GUSB: variants seen among roughly 807,000 people sequenced by gnomAD.
The protein encoded by GUSB is beta-glucuronidase.
In GUSB, 51 loss-of-function variants were observed where a neutral mutation model predicts 74.6. The ratio of observed to expected loss-of-function variants is 0.68; its 90% confidence interval spans 0.55 to 0.86. GUSB has a LOEUF of 0.86. Ranked by LOEUF, GUSB falls within the 40% of genes least tolerant of loss-of-function variation. The pLI is 0.00. For missense variants in GUSB, 736 were observed against 853.7 expected (o/e 0.86, Z 1.72); for synonymous variants, 360 against 348.3 (o/e 1.03, Z -0.37).
At chr7:65,963,465 G>C (rs937108) in intron 11 of GUSB, among the ~76,000 whole-genome samples, 1 of 152,220 alleles carries the variant, frequency 6.6e-6, no homozygotes. Flanking sequence ...CATAAACTAA[G>C]AAGAAATGGG....
At chr7:65,963,663 A>G (rs118189608) in intron 11 of GUSB, among the ~76,000 whole-genome samples, 13,634 of 152,202 alleles carry the variant, frequency 0.09, 780 homozygotes, top group Non-Finnish European at 0.12. Context: ...CGCCTGCCTC[A>G]GCCTCCCAAG....
At position 65,967,785 on chromosome 7, in the gene GUSB, C is replaced by G; in HGVS notation, c.1599G>C (p.Gln533His). The G allele has an allele frequency of 6.2e-7, 1 of 1,613,440 alleles. No individual in the cohort carries two copies. The highest frequency in any genetic ancestry group is 8.5e-7 in the Non-Finnish European group (1 of 1,179,868). ...TQFENWYKKY[Q>H]KPIIQSEYGA... is the part of the protein sequence containing the mutation. ...CATACTCGCTCTGAATAATGGGCTT[C>G]TGATACTTCTTATACCAGTTCTCAA... The change falls in exon 10 of 12, where the codon CAG (glutamine) becomes CAC (histidine). Residue 533 changes from glutamine to histidine, a missense_variant. Around this residue, in one of 2 missense-constraint regions of GUSB, gnomAD observed 368 missense variants for 489.9 expected, o/e 0.75. Transcript: ENST00000304895.
At chr7:65,980,185 G>GCT in intron 2 of GUSB, 39 bp downstream of exon 2, 43 of 725,272 alleles carry the variant, frequency 5.9e-5, no homozygotes, top group South Asian at 2.3e-4. Context: ...CAGCAGCCGT[G>GCT]CCCCCCCACC....
chr7:65,960,926 G>A lies in GUSB; in HGVS notation c.1927C>T (p.Gln643Ter), dbSNP rs1790443878. ...GTAAACAGGCTGTTTTCCAAACATT[G>A]TGACTTGGCTACTGAGTGGGGATAC... ...TRYPHSVAKS[Q>*]CLENSLFT Residue 643 changes from glutamine to a stop codon, truncating the protein, a stop_gained, in exon 12 of 12, where the codon CAA becomes TAA. Coordinates refer to ENST00000304895, the MANE Select transcript of GUSB (RefSeq NM_000181.4). LOFTEE classifies it high-confidence loss of function. 2 of 1,614,018 alleles carry A rather than the reference G, an allele frequency of 1.2e-6. No homozygotes were observed. Among genetic ancestry groups the A allele is most frequent in the Non-Finnish European group, 1.7e-6 (2 of 1,179,936 alleles).
chr7:65,968,406 G>A (rs1409814154), intron 9 of GUSB, among the ~76,000 whole-genome samples: 3 of 151,984 alleles, frequency 2.0e-5, no homozygotes, highest in African/African-American at 4.8e-5. Flanking sequence ...GACGTGCGCC[G>A]CTGGGAAGGG....
intron 9 of GUSB, among the ~76,000 whole-genome samples, 191 bp from the exon 10 acceptor site, chr7:65,968,098 T>C (rs1424623101): frequency 6.6e-6 from 1 of 151,006 alleles, no homozygotes; most frequent in Non-Finnish European, 1.5e-5. Flanking sequence ...CAAAAAATAG[T>C]AGTAAGAAAA....
chr7:65,964,401 G>A lies in GUSB; in HGVS notation c.1711C>T (p.Leu571=), dbSNP rs1350578065. Residue 571 remains leucine, a synonymous_variant, in exon 11 of 12, where the codon CTG becomes TTG. Coordinates refer to ENST00000304895, the MANE Select transcript of GUSB (RefSeq NM_000181.4). ...YQKSLLEQYH[L]GLDQKRRKYV... ...TTTCTGCGTTTTTGATCCAGACCCA[G>A]ATGGTACTGCTCTAGCAGACTTTTC... The A allele has an allele frequency of 6.2e-7, 1 of 1,610,422 alleles. No homozygotes were observed. The highest frequency in any genetic ancestry group is 8.5e-7 in the Non-Finnish European group (1 of 1,178,472).
Position 65,974,579 on chromosome 7 carries a change from G to A in GUSB, c.1191C>T (p.Asp397=). ...CATCGATGACCACAATCCCATAGCG[G>A]TCACACATCTGCATCACTTCCTCTG... The part of the protein sequence containing the change: ...PYAEEVMQMC[D]RYGIVVIDEC... The change falls in exon 7 of 12, where the codon GAC becomes GAT. Residue 397 remains aspartate, a synonymous_variant. Transcript: ENST00000304895. 2 of 1,614,208 alleles carry A rather than the reference G, an allele frequency of 1.2e-6. No homozygotes were observed. Among genetic ancestry groups the A allele is most frequent in the Non-Finnish European group, 1.7e-6 (2 of 1,180,046 alleles).
At chr7:65,980,534 G>A (rs947690365) in intron 1 of GUSB, 125 bp from the exon 2 acceptor site, 23 of 891,530 alleles carry the variant, frequency 2.6e-5, no homozygotes, top group African/African-American at 5.0e-5. Context: ...TTGGCAGAAA[G>A]GACAGATAAC....
chr7:65,965,822 G>T (rs7800210), intron 10 of GUSB, among the ~76,000 whole-genome samples: 48,751 of 152,036 alleles, frequency 0.32, 8,835 homozygotes, highest in East Asian at 0.46. Flanking sequence ...ACCATGCCCA[G>T]CACTGCAGAG....
chr7:65,964,603 T>TA (rs1790712004), intron 10 of GUSB, 145 bp from the exon 11 acceptor site: 2 of 718,060 alleles, frequency 2.8e-6, no homozygotes, highest in South Asian at 3.2e-5. Context: ...GATGCTGGGG[T>TA]AAAGACAGCC....
At chr7:65,978,142 C>T (rs1791716539) in intron 4 of GUSB, among the ~76,000 whole-genome samples, 1 of 151,734 alleles carries the variant, frequency 6.6e-6, no homozygotes, top group Admixed American at 6.6e-5. Flanking sequence ...AGAAAAAAAA[C>T]TTAAAACAAA....
chr7:65,972,376 C>A (rs1791271994), intron 8 of GUSB, among the ~76,000 whole-genome samples: 2 of 152,164 alleles, frequency 1.3e-5, no homozygotes, highest in African/African-American at 2.4e-5. Flanking sequence ...GTTGGCCACG[C>A]CGGTCTCAAA....
In GUSB at chr7:65,980,219, C is replaced by G. The variant is rs1179492275; in HGVS notation, c.396+5G>C. On this transcript the variant is annotated splice_donor_5th_base_variant and intron_variant, in intron 2 of 11. Transcript: ENST00000304895. ...CCCGCCCTGCCTGCTCCTGGCCGCA[C>G]TGACCACGATGGCATAGGAATGGGC... 5.0e-6 allele frequency: 8 copies of G among 1,591,698 alleles called. No individual in the cohort carries two copies. The highest frequency in any genetic ancestry group is 6.9e-6 in the Non-Finnish European group (8 of 1,166,924).
rs764344489 is a variant in GUSB at position 65,970,357 on chromosome 7, G to T, written c.1401C>A (p.Ile467=). The T allele has an allele frequency of 9.9e-6, 16 of 1,610,490 alleles. No individual in the cohort carries two copies. The highest frequency in any genetic ancestry group is 1.4e-5 in the Non-Finnish European group (16 of 1,177,404). Residue 467 remains isoleucine (I), a synonymous_variant, in exon 9 of 12, where the codon ATC becomes ATA. Coordinates refer to ENST00000304895, the MANE Select transcript of GUSB (RefSeq NM_000181.4). ...AGGGGTCCAAGGATTTGGTGTGAGC[G>T]ATCACCATCCTGTCCACAAAAGGCA... ...ESAGYYLKMV[I]AHTKSLDPSR...
chr7:65,974,189 T>C (rs975997647), intron 8 of GUSB, 106 bp downstream of exon 8: 9 of 1,064,608 alleles, frequency 8.5e-6, no homozygotes, highest in South Asian at 2.6e-5. Context: ...GGCCTTCCCA[T>C]TGGGCTGGAC....
chr7:65,976,981 C>T (rs1362997912), intron 4 of GUSB, among the ~76,000 whole-genome samples: 2 of 151,960 alleles, frequency 1.3e-5, no homozygotes, highest in Non-Finnish European at 2.9e-5. Flanking sequence ...TGTGAACAAG[C>T]ATGTACAGCT....
chr7:65,970,339 C>T lies in GUSB; in HGVS notation c.1419G>A (p.Leu473=), dbSNP rs745662610. The change falls in exon 9 of 12, where the codon TTG becomes TTA. Residue 473 remains leucine, a synonymous_variant. Coordinates refer to ENST00000304895, the MANE Select transcript of GUSB (RefSeq NM_000181.4). ...LKMVIAHTKS[L]DPSRPVTFVS... ...CAAAGGTCACAGGCCGGGAGGGGTC[C>T]AAGGATTTGGTGTGAGCGATCACCA... is the stretch of plus-strand genomic sequence containing the variant. The T allele has an allele frequency of 3.7e-6, 6 of 1,613,042 alleles. No homozygotes were observed. The highest frequency in any genetic ancestry group is 5.1e-6 in the Non-Finnish European group (6 of 1,179,540).
chr7:65,963,968 C>G (rs1349569721), intron 11 of GUSB, among the ~76,000 whole-genome samples: 1 of 151,986 alleles, frequency 6.6e-6, no homozygotes, highest in East Asian at 1.9e-4. Context: ...GCTTTGTACC[C>G]TTCTATGGAA....
Sources: gnomAD v4.1 joint callset for allele counts (sites outside exome capture counted in the v4.1 genomes callset) on GRCh38, gnomAD v4.1.1 for gene constraint, gnomAD v4.1.1 regional missense constraint, MANE v1.5 for transcripts, NCBI Gene and HGNC (gene_info 2026-07-23, HGNC 2026-07-21) for gene names.